ATP10B: variants seen among roughly 807,000 people sequenced by gnomAD.
ATP10B encodes phospholipid-transporting ATPase VB.
Under a neutral mutation model 141.2 loss-of-function variants are expected in ATP10B, and 122 were observed. The observed-to-expected ratio is 0.86, with a 90% CI of 0.75 to 1.00. The LOEUF (loss-of-function observed/expected upper bound fraction) is 1.00. ATP10B is among the 50% of genes least tolerant of loss of function. The pLI, the probability that ATP10B is intolerant of heterozygous loss-of-function variation, is 0.00. For synonymous variants in ATP10B, 685 were observed against 692.0 expected (o/e 0.99, Z 0.16); for missense variants, 1,876 against 1,825.3 (o/e 1.03, Z -0.51).
At chr5:160,869,949 G>GA in the ATP10B span, among the ~76,000 whole-genome samples, 16 of 152,178 alleles carry the variant, frequency 1.1e-4, 1 homozygote, top group South Asian at 3.3e-3. Context: ...CAGGGGAGGG[G>GA]AAAATGAACC....
At position 160,823,812 on chromosome 5, in the gene ATP10B, C is replaced by T. The variant is rs187351337; in HGVS notation, c.-576+28129G>A. ...TCGCGGCGCTGCACTCCAGCCTGGG[C>T]GACAGAGTGAGACTCCGTCTCCAAA... On this transcript the variant is annotated intron_variant, in intron 1 of 25. Coordinates refer to ENST00000327245, the MANE Select transcript of ATP10B (RefSeq NM_025153.3). Among the ~76,000 whole-genome samples the T allele has an allele frequency of 8.5e-3, 1,296 of 152,010 alleles. 24 individuals are homozygous for T. Among genetic ancestry groups the T allele is most frequent in the African/African-American group, 0.03 (1,235 of 41,492 alleles).
intron 1 of ATP10B, among the ~76,000 whole-genome samples, chr5:160,814,038 C>A (rs983050433): frequency 2.6e-5 from 4 of 152,182 alleles, no homozygotes; most frequent in African/African-American, 4.8e-5. Flanking sequence ...GGGTAAAAAA[C>A]AGAGCAGAAA....
At chr5:160,755,865 ATATATATATATATT>A (rs1768551119) in intron 2 of ATP10B, among the ~76,000 whole-genome samples, 1 of 124,352 alleles carries the variant, frequency 8.0e-6, no homozygotes, top group African/African-American at 3.0e-5. Flanking sequence ...ATATATATAT[ATATATATATATATT>A]ATAATTTTAT....
At chr5:160,869,435 A>C in the ATP10B span, among the ~76,000 whole-genome samples, 2 of 143,086 alleles carry the variant, frequency 1.4e-5, no homozygotes, top group African/African-American at 2.7e-5. Flanking sequence ...TACCAGAGAC[A>C]AAAAAAAAAT....
In ATP10B at chr5:160,569,393, G is replaced by A. The variant is rs1036953199; in HGVS notation, c.3938+103C>T. The A allele has an allele frequency of 2.3e-5, 26 of 1,119,000 alleles. No homozygotes were observed. In the African/African-American group the frequency reaches 3.9e-4, roughly 17 times the overall value. 69.3% of individuals were successfully genotyped at this position (1,119,000 alleles called of 1,614,324 possible). ...TCTGTTTCTGAAACATTAGCCTCAAGGATGCCAGCAGAAGTCAAACTCCTG... is the reference window on the plus strand; with the variant it reads ...TCTGTTTCTGAAACATTAGCCTCAAAGATGCCAGCAGAAGTCAAACTCCTG... On this transcript the variant is annotated intron_variant, in intron 25 of 25. Transcript: ENST00000327245.
At chr5:160,627,185 G>T (rs79019349) in intron 13 of ATP10B, among the ~76,000 whole-genome samples, 4,348 of 152,092 alleles carry the variant, frequency 0.029, 78 homozygotes, top group Middle Eastern at 0.079. Context: ...TCAGCCCAGG[G>T]GCCAACCTTT....
In ATP10B at chr5:160,620,724, TAGCCACCGTCATCAGTGG is replaced by T; in HGVS notation, c.2021_2038del (p.Ser674_Gly679del). ...GCCCTGGTCCCACATGCTGCTCCTG[TAGCCACCGTCATCAGTGG>T]AGTCACCTCCACTGCACACAGATGC... On this transcript the variant is annotated inframe_deletion, in exon 15 of 26. Coordinates refer to ENST00000327245, the MANE Select transcript of ATP10B (RefSeq NM_025153.3). The T allele has an allele frequency of 6.2e-7, 1 of 1,614,188 alleles. No individual in the cohort carries two copies. Among genetic ancestry groups the T allele is most frequent in the Non-Finnish European group, 8.5e-7 (1 of 1,180,022 alleles).
chr5:160,677,374 A>G (rs1763094874), intron 6 of ATP10B, among the ~76,000 whole-genome samples: 1 of 152,118 alleles, frequency 6.6e-6, no homozygotes, highest in African/African-American at 2.4e-5. Context: ...AGTGTAGAGC[A>G]AAGGCCTGAA....
At chr5:160,786,182 T>C (rs975634953) in intron 1 of ATP10B, among the ~76,000 whole-genome samples, 1 of 151,986 alleles carries the variant, frequency 6.6e-6, no homozygotes, top group African/African-American at 2.4e-5. Flanking sequence ...CTGAAACTTG[T>C]GTTGAAAATG....
the ATP10B span, among the ~76,000 whole-genome samples, chr5:160,859,196 C>T: frequency 6.6e-6 from 1 of 151,564 alleles, no homozygotes; most frequent in South Asian, 2.1e-4. Context: ...AGCATTGATC[C>T]CTTTTGTTTT....
Position 160,565,400 on chromosome 5 carries a change from T to C in ATP10B, c.*53A>G. ...GAAGAAGAAGGGGTCAAGGGTTATG[T>C]GGACCAGTGACTAGGTGGCCTCTGT... On this transcript the variant is annotated 3_prime_UTR_variant, in exon 26 of 26. Transcript: ENST00000327245. The C allele has an allele frequency of 6.4e-7, 1 of 1,554,470 alleles. No individual in the cohort carries two copies. The highest frequency in any genetic ancestry group is 8.8e-7 in the Non-Finnish European group (1 of 1,132,648).
chr5:160,593,000 A>G (rs1042142295), intron 22 of ATP10B, among the ~76,000 whole-genome samples: 1 of 152,262 alleles, frequency 6.6e-6, no homozygotes, highest in Non-Finnish European at 1.5e-5. Flanking sequence ...ACAGATGAAC[A>G]AAAAGACAGC....
At chr5:160,778,365 T>C (rs1770486031) in intron 2 of ATP10B, among the ~76,000 whole-genome samples, 1 of 152,180 alleles carries the variant, frequency 6.6e-6, no homozygotes. Flanking sequence ...AGTCCTCCAA[T>C]ACCCTTCCTG....
chr5:160,686,187 G>A lies in ATP10B; in HGVS notation c.362C>T (p.Pro121Leu). 1.2e-6 allele frequency: 2 copies of A among 1,612,982 alleles called. No individual in the cohort carries two copies. Among genetic ancestry groups the A allele is most frequent in the South Asian group, 1.1e-5 (1 of 90,906 alleles). Residue 121 changes from proline (P) to leucine (L), a missense_variant, in exon 6 of 26, where the codon CCA becomes CTA. Physicochemically the swap from Pro to Leu is moderately conservative, Grantham distance 98. Transcript: ENST00000327245. ...EVFHREITMLPLAIVLFVIMI... is the reference protein window; with the variant it reads ...EVFHREITMLLLAIVLFVIMI... ...GATGACGAACAGGACAATGGCCAAT[G>A]GTAACATGGTGATTTCTCTGTGGAA...
At chr5:160,773,101 T>C (rs4594897) in intron 2 of ATP10B, among the ~76,000 whole-genome samples, 64,046 of 151,970 alleles carry the variant, frequency 0.42, 13,801 homozygotes, top group Admixed American at 0.54. Context: ...TCTGTGACCT[T>C]CGGGTTACTT....
chr5:160,697,253 T>C (rs1764422083), intron 3 of ATP10B, among the ~76,000 whole-genome samples: 1 of 152,124 alleles, frequency 6.6e-6, no homozygotes, highest in African/African-American at 2.4e-5. Flanking sequence ...TCCATAAGTT[T>C]TGTAGTGTGG....
chr5:160,671,641 A>T (rs980098366), intron 6 of ATP10B, among the ~76,000 whole-genome samples: 2 of 152,192 alleles, frequency 1.3e-5, no homozygotes, highest in African/African-American at 4.8e-5. Context: ...TTATCTTCCT[A>T]TCCAATTTAT....
At chr5:160,689,614 C>G (rs1358725979) in intron 3 of ATP10B, among the ~76,000 whole-genome samples, 5 of 152,140 alleles carry the variant, frequency 3.3e-5, no homozygotes, top group Non-Finnish European at 7.3e-5. Context: ...CATGAGTGAA[C>G]TCCCCTTCAC....
At chr5:160,740,647 A>G (rs1015420361) in intron 2 of ATP10B, among the ~76,000 whole-genome samples, 1 of 152,182 alleles carries the variant, frequency 6.6e-6, no homozygotes, top group African/African-American at 2.4e-5. Flanking sequence ...GTTTTCTATA[A>G]TCAGATCAGC....
Sources: allele counts gnomAD v4.1 joint callset (sites outside exome capture counted in the v4.1 genomes callset), GRCh38; gene constraint gnomAD v4.1.1; transcripts MANE v1.5; gene names NCBI Gene and HGNC (gene_info 2026-07-23, HGNC 2026-07-21).